MROH7: variants seen among roughly 807,000 people sequenced by gnomAD.
MROH7 encodes the protein maestro heat-like repeat-containing protein family member 7.
Under a neutral mutation model 129.2 loss-of-function variants are expected in MROH7, and 113 were observed. The observed-to-expected ratio is 0.87, with a 90% CI of 0.75 to 1.02. MROH7 has a LOEUF of 1.02. MROH7 is among the 50% of genes least tolerant of loss of function. The pLI, the probability that MROH7 is intolerant of heterozygous loss-of-function variation, is 0.00. For synonymous variants in MROH7, 655 were observed against 667.9 expected (o/e 0.98, Z 0.30); for missense variants, 1,601 against 1,671.3 (o/e 0.96, Z 0.73).
chr1:54,695,868 T>G, intron 17 of MROH7: 1 of 339,302 alleles, frequency 2.9e-6, no homozygotes, highest in Non-Finnish European at 5.8e-6. Context: ...GAGTGATTTG[T>G]ACTATGATGG....
chr1:54,708,201 T>C (rs1227224939), intron 22 of MROH7, among the ~76,000 whole-genome samples: 1 of 152,042 alleles, frequency 6.6e-6, no homozygotes, highest in Non-Finnish European at 1.5e-5. Flanking sequence ...AGAGGATCAT[T>C]TAAGGGCAGG....
At chr1:54,678,697 A>G (rs749268037) in intron 10 of MROH7, 45 bp from the exon 11 acceptor site, 6 of 1,424,942 alleles carry the variant, frequency 4.2e-6, no homozygotes, top group Non-Finnish European at 9.9e-7. Flanking sequence ...ATGTTTAACA[A>G]AAATAGGGAG....
chr1:54,678,825 C>G lies in MROH7; in HGVS notation c.2020C>G (p.Pro674Ala). ...HFLGPYNPVS[P>A]CQNILRVIEE... The stretch of plus-strand genomic sequence containing the variant: ...CCTGGGGCCCTACAACCCTGTGAGC[C>G]CGTGCCAGAACATTCTGCGGGTGAT... Residue 674 changes from proline (P) to alanine (A), a missense_variant, in exon 11 of 24, where the codon CCG becomes GCG. Transcript: ENST00000421030. 1 of 1,614,098 alleles carries G rather than the reference C, an allele frequency of 6.2e-7. No homozygotes were observed. Among genetic ancestry groups the G allele is most frequent in the South Asian group, 1.1e-5 (1 of 91,084 alleles).
Position 54,682,725 on chromosome 1 carries a change from T to TCTG in MROH7, c.2454_2456dup (p.Leu820dup). 1 of 1,614,104 alleles carries TCTG rather than the reference T, an allele frequency of 6.2e-7. No homozygotes were observed. Among genetic ancestry groups the TCTG allele is most frequent in the South Asian group, 1.1e-5 (1 of 91,068 alleles). ...GCTGTGATGTCCGAGACCTCCTGGA[T>TCTG]CTGCTCCTGGGCAGCCTGAAGGAGA... On this transcript the variant is annotated inframe_insertion, in exon 14 of 24. Transcript: ENST00000421030.
chr1:54,652,731 T>G, intron 2 of MROH7, 122 bp from the exon 3 acceptor site: 1 of 631,986 alleles, frequency 1.6e-6, no homozygotes, highest in East Asian at 2.9e-5. Flanking sequence ...AAAGGTGGGC[T>G]GGGCACAGTC....
Position 54,673,685 on chromosome 1 carries a change from G to T in MROH7, c.1696-16G>T, listed in dbSNP as rs778951057. On this transcript the variant is annotated splice_polypyrimidine_tract_variant and intron_variant, in intron 8 of 23. Transcript: ENST00000421030. ...CATCTAACCTGTAGTTCTGAGTCTT[G>T]CTTTTGATCCCACAGGCCCTGGGGC... is the stretch of plus-strand genomic sequence containing the variant. The T allele has an allele frequency of 1.2e-5, 19 of 1,603,388 alleles. No individual in the cohort carries two copies. The Admixed American group carries it at 2.7e-4, about 23-fold the overall frequency.
chr1:54,699,159 T>TTTCCTTTCTTTCTTTCTTTCTTTCTTTC (rs71048705), intron 17 of MROH7: 5 of 65,920 alleles, frequency 7.6e-5, no homozygotes, highest in African/African-American at 2.8e-4. Flanking sequence ...TCTTTCTTTC[T>TTTCCTTTCTTTCTTTCTTTCTTTCTTTC]TTTCTTTCTT....
chr1:54,668,923 A>G lies in MROH7; in HGVS notation c.1375A>G (p.Ile459Val). ...GGCAGAAGGAGAAAAGAAGACCATGATAAAGAAGATTATGGTGGGGGAGCC... is the reference window on the plus strand; with the variant it reads ...GGCAGAAGGAGAAAAGAAGACCATGGTAAAGAAGATTATGGTGGGGGAGCC... ...LEAEGEKKTM[I>V]KKIMRQIQEE... The change falls in exon 5 of 24, where the codon ATA (isoleucine) becomes GTA (valine). Residue 459 changes from isoleucine to valine, a missense_variant. Physicochemically the swap from Ile to Val is conservative, Grantham distance 29 (BLOSUM62 3). Transcript: ENST00000421030. 2 of 1,613,248 alleles carry G rather than the reference A, an allele frequency of 1.2e-6. No homozygotes were observed. The highest frequency in any genetic ancestry group is 1.3e-5 in the African/African-American group (1 of 74,974).
intron 1 of MROH7, among the ~76,000 whole-genome samples, chr1:54,648,532 A>AT (rs370714372): frequency 6.2e-4 from 93 of 150,750 alleles, no homozygotes; most frequent in African/African-American, 2.1e-3. Context: ...TGCCTGGCTA[A>AT]TTTTTTGTAT....
intron 17 of MROH7, chr1:54,698,781 G>A (rs1300172121): frequency 6.6e-6 from 1 of 151,256 alleles, no homozygotes; most frequent in Non-Finnish European, 1.5e-5. Context: ...AAGGAGGAAA[G>A]GAGCCAAGTT....
chr1:54,704,171 A>G (rs1175226897), intron 21 of MROH7, among the ~76,000 whole-genome samples: 1 of 152,224 alleles, frequency 6.6e-6, no homozygotes, highest in Admixed American at 6.5e-5. Context: ...AGCCTCTGCA[A>G]TTGAGGGTCT....
At chr1:54,688,565 G>T (rs1437984173) in intron 15 of MROH7, among the ~76,000 whole-genome samples, 3 of 152,132 alleles carry the variant, frequency 2.0e-5, no homozygotes, top group Non-Finnish European at 4.4e-5. Context: ...CACCTAGAAT[G>T]TTGTATTTTG....
intron 16 of MROH7, among the ~76,000 whole-genome samples, chr1:54,693,343 G>A (rs909478404): frequency 2.0e-5 from 3 of 152,104 alleles, no homozygotes; most frequent in Admixed American, 1.3e-4. Flanking sequence ...CCAGCCACTC[G>A]GGAGGCTGAG....
chr1:54,669,130 G>A (rs1644857241), intron 5 of MROH7, among the ~76,000 whole-genome samples, 193 bp downstream of exon 5: 1 of 152,142 alleles, frequency 6.6e-6, no homozygotes, highest in Non-Finnish European at 1.5e-5. Flanking sequence ...GCTCAGGCAA[G>A]TTCTGAGCCT....
chr1:54,682,910 T>C, intron 14 of MROH7, 116 bp downstream of exon 14: 1 of 1,182,470 alleles, frequency 8.5e-7, no homozygotes, highest in Non-Finnish European at 1.2e-6. Context: ...AGTAACTAGT[T>C]GTGTGGTCTT....
At chr1:54,707,763 T>C (rs1334199202) in intron 22 of MROH7, among the ~76,000 whole-genome samples, 1 of 152,126 alleles carries the variant, frequency 6.6e-6, no homozygotes, top group African/African-American at 2.4e-5. Flanking sequence ...AGCAGTGCAA[T>C]GATTATTAAC....
intron 7 of MROH7, 57 bp from the exon 8 acceptor site, chr1:54,673,034 G>A: frequency 2.2e-6 from 3 of 1,349,246 alleles, no homozygotes; most frequent in South Asian, 1.2e-5. Flanking sequence ...GGGGCCGCCT[G>A]GGGCTGGTGT....
At chr1:54,657,985 A>G (rs1376513143) in intron 3 of MROH7, among the ~76,000 whole-genome samples, 4 of 152,122 alleles carry the variant, frequency 2.6e-5, no homozygotes, top group Non-Finnish European at 4.4e-5. Flanking sequence ...GAACAGTTTA[A>G]TACAGTGGTA....
At chr1:54,697,699 A>C (rs1200251381) in intron 17 of MROH7, 5 of 703,152 alleles carry the variant, frequency 7.1e-6, no homozygotes, top group South Asian at 4.4e-5. Context: ...AGGTGAGTTA[A>C]GGGGAATTTT....
Sources: allele counts gnomAD v4.1 joint callset (sites outside exome capture counted in the v4.1 genomes callset), GRCh38; gene constraint gnomAD v4.1.1; transcripts MANE v1.5; gene names NCBI Gene and HGNC (gene_info 2026-07-23, HGNC 2026-07-21).